Variants in DACH1 observed in about 807,000 individuals in gnomAD.
The protein encoded by DACH1 is dachshund homolog 1.
A neutral mutation model predicts 54.2 loss-of-function variants in DACH1; 12 were observed. That is an observed-to-expected ratio of 0.22 (90% CI 0.14 to 0.36). The LOEUF (loss-of-function observed/expected upper bound fraction) is 0.36, where lower values mean the gene tolerates loss of function less well. DACH1 is among the 10% of genes least tolerant of loss of function. The pLI is 1.00. For synonymous variants in DACH1, 386 were observed against 366.2 expected, an observed-to-expected ratio of 1.05 and a Z score of -0.62; for missense variants, 805 against 929.8, an observed-to-expected ratio of 0.87 and a Z score of 1.75.
intron 6 of DACH1, among the ~76,000 whole-genome samples, chr13:71,515,938 C>T (rs1002899132): frequency 1.3e-5 from 2 of 151,994 alleles, no homozygotes; most frequent in African/African-American, 4.8e-5. Flanking sequence ...ATAACAACCA[C>T]TATTTCTCTG....
chr13:71,451,571 G>A (rs1038629208), intron 10 of DACH1, among the ~76,000 whole-genome samples: 1 of 152,108 alleles, frequency 6.6e-6, no homozygotes, highest in Non-Finnish European at 1.5e-5. Flanking sequence ...CCTGACCTGA[G>A]CCTAAACATG....
intron 1 of DACH1, among the ~76,000 whole-genome samples, chr13:71,686,668 T>C (rs1881182072): frequency 6.6e-6 from 1 of 152,180 alleles, no homozygotes; most frequent in Non-Finnish European, 1.5e-5. Context: ...TCTTCAGTAG[T>C]TTTTGAGAAA....
intron 3 of DACH1, among the ~76,000 whole-genome samples, chr13:71,592,220 G>C (rs1337441917): frequency 1.3e-5 from 2 of 152,026 alleles, no homozygotes; most frequent in African/African-American, 4.8e-5. Flanking sequence ...TTTTAAAAAG[G>C]AGAATTAGGG....
chr13:71,647,388 T>C (rs1878361666), intron 2 of DACH1, among the ~76,000 whole-genome samples: 2 of 152,054 alleles, frequency 1.3e-5, no homozygotes, highest in Non-Finnish European at 2.9e-5. Flanking sequence ...TAGAACCCAA[T>C]TTTTTTTCCA....
rs997103348 is a variant in DACH1 at position 71,722,185 on chromosome 13, C to T, written c.849-40275G>A. On this transcript the variant is annotated intron_variant, in intron 1 of 10. Coordinates refer to ENST00000613252, the MANE Select transcript of DACH1 (RefSeq NM_080759.6). ...AGGAAACCATCTTCCTTTTGGCTTT[C>T]CTTACAGACATTCTGGGTGATTTTA... Among the ~76,000 whole-genome samples, 5 of 152,252 alleles carry T rather than the reference C, an allele frequency of 3.3e-5. No homozygotes were observed. In the East Asian group the frequency reaches 9.6e-4, roughly 29 times the overall value.
At chr13:71,502,893 C>G (rs1880036645) in intron 6 of DACH1, among the ~76,000 whole-genome samples, 1 of 152,224 alleles carries the variant, frequency 6.6e-6, no homozygotes, top group African/African-American at 2.4e-5. Context: ...CTCTGATAAG[C>G]TGGCATGCAA....
chr13:71,633,206 T>C (rs1225554631), intron 2 of DACH1, among the ~76,000 whole-genome samples: 2 of 152,206 alleles, frequency 1.3e-5, no homozygotes, highest in Non-Finnish European at 2.9e-5. Context: ...GATATGGCCT[T>C]GGACCAACCA....
At position 71,536,337 on chromosome 13, in the gene DACH1, T is replaced by C. The variant is rs145795317; in HGVS notation, c.1570+20687A>G. Among the ~76,000 whole-genome samples the C allele has an allele frequency of 9.9e-5, 15 of 152,216 alleles. No homozygotes were observed. The East Asian group carries it at 2.9e-3, about 29-fold the overall frequency. On this transcript the variant is annotated intron_variant, in intron 6 of 10. Coordinates refer to ENST00000613252, the MANE Select transcript of DACH1 (RefSeq NM_080759.6). ...CCCAAAGATCTAGGTAGAGATACTT[T>C]GGTTAAAGTGTTAGTCTATGGAATG...
At chr13:71,697,408 G>A (rs995041854) in intron 1 of DACH1, among the ~76,000 whole-genome samples, 2 of 152,128 alleles carry the variant, frequency 1.3e-5, no homozygotes, top group African/African-American at 4.8e-5. Context: ...TGATGATAAA[G>A]TGGAAGGCTT....
At chr13:71,826,301 A>C (rs1767841509) in intron 1 of DACH1, among the ~76,000 whole-genome samples, 1 of 152,104 alleles carries the variant, frequency 6.6e-6, no homozygotes, top group African/African-American at 2.4e-5. Flanking sequence ...CAGTTCAACA[A>C]TAAACAAATA....
intron 3 of DACH1, among the ~76,000 whole-genome samples, chr13:71,585,514 C>T (rs189110078): frequency 2.6e-5 from 4 of 152,216 alleles, no homozygotes; most frequent in Admixed American, 6.5e-5. Context: ...GTCCTCTCCA[C>T]GGCACAACAG....
chr13:71,748,892 TTCTTTCTC>T (rs1267976394), intron 1 of DACH1, among the ~76,000 whole-genome samples: 3 of 104,406 alleles, frequency 2.9e-5, no homozygotes, highest in African/African-American at 1.3e-4. Context: ...CTTTCTTTCT[TTCTTTCTC>T]TTTCTTTCTT....
At chr13:71,711,090 A>G (rs78981760) in intron 1 of DACH1, among the ~76,000 whole-genome samples, 2,988 of 152,252 alleles carry the variant, frequency 0.02, 76 homozygotes, top group African/African-American at 0.056. Context: ...AAGTTAAGCA[A>G]TACACGTTTA....
intron 1 of DACH1, among the ~76,000 whole-genome samples, chr13:71,751,034 C>A (rs1420572635): frequency 6.6e-6 from 1 of 152,156 alleles, no homozygotes; most frequent in African/African-American, 2.4e-5. Flanking sequence ...TTCAGTTTTG[C>A]ATTGTAACTA....
At chr13:71,486,814 ATCTATCTATCTATCTATCT>A (rs879272233) in intron 7 of DACH1, among the ~76,000 whole-genome samples, 658 of 5,156 alleles carry the variant, frequency 0.13, 4 homozygotes, top group Non-Finnish European at 0.38. Context: ...TTATTTATTT[ATCTATCTATCTATCTATCT>A]ATCTATCTAT....
intron 2 of DACH1, among the ~76,000 whole-genome samples, chr13:71,638,808 A>AT (rs1877688636): frequency 6.6e-6 from 1 of 152,166 alleles, no homozygotes; most frequent in Non-Finnish European, 1.5e-5. Context: ...CCTTTCAGCT[A>AT]TTTTTCCCCA....
chr13:71,501,403 G>A (rs917405546), intron 6 of DACH1, among the ~76,000 whole-genome samples: 1 of 152,140 alleles, frequency 6.6e-6, no homozygotes, highest in Non-Finnish European at 1.5e-5. Context: ...TTATGTGTTT[G>A]TGATTTAAGA....
At chr13:71,816,617 C>T (rs1175882891) in intron 1 of DACH1, among the ~76,000 whole-genome samples, 2 of 68,926 alleles carry the variant, frequency 2.9e-5, no homozygotes, top group African/African-American at 9.0e-5. Context: ...TATATATATA[C>T]ACGTGTATAT....
chr13:71,812,473 G>C (rs1450581336), intron 1 of DACH1, among the ~76,000 whole-genome samples: 2 of 151,834 alleles, frequency 1.3e-5, no homozygotes, highest in African/African-American at 2.4e-5. Context: ...GCTATAATCA[G>C]TATTTAGAGG....
Sources: gnomAD v4.1 joint callset for allele counts (sites outside exome capture counted in the v4.1 genomes callset) on GRCh38, gnomAD v4.1.1 for gene constraint, MANE v1.5 for transcripts, NCBI Gene and HGNC (gene_info 2026-07-23, HGNC 2026-07-21) for gene names.